DOCK3: variants seen among roughly 807,000 people sequenced by gnomAD.
DOCK3 encodes the protein dedicator of cytokinesis 3.
DOCK3 carries 60 observed loss-of-function variants against 265.6 expected under a neutral mutation model. That is an observed-to-expected ratio of 0.23 (90% CI 0.18 to 0.28). DOCK3 has a LOEUF of 0.28. DOCK3 is among the 10% of genes least tolerant of loss of function. DOCK3 has a pLI of 1.00. For synonymous variants in DOCK3, 881 were observed against 938.0 expected (o/e 0.94, Z 1.11); for missense variants, 1,981 against 2,594.3 (o/e 0.76, Z 5.14).
chr3:50,718,812 T>A (rs2037291434), intron 1 of DOCK3, among the ~76,000 whole-genome samples: 1 of 137,966 alleles, frequency 7.2e-6, no homozygotes, highest in Non-Finnish European at 1.5e-5. Context: ...TAAGACAGAA[T>A]CTTGCTCTGT....
intron 6 of DOCK3, among the ~76,000 whole-genome samples, chr3:51,065,393 C>T (rs1428843136): frequency 6.6e-6 from 1 of 152,090 alleles, no homozygotes; most frequent in Non-Finnish European, 1.5e-5. Context: ...ATCTATGAGC[C>T]CATTTCTGGA....
intron 10 of DOCK3, among the ~76,000 whole-genome samples, chr3:51,158,671 T>C (rs953804759): frequency 4.6e-5 from 7 of 152,268 alleles, no homozygotes; most frequent in Admixed American, 1.3e-4. Flanking sequence ...AATAAGATTA[T>C]TTTCAACTAT....
intron 9 of DOCK3, among the ~76,000 whole-genome samples, chr3:51,136,928 G>T (rs182020590): frequency 2.1e-4 from 32 of 151,976 alleles, no homozygotes; most frequent in African/African-American, 7.0e-4. Flanking sequence ...GGTGAACAGA[G>T]TAAGGTTCTG....
chr3:50,859,743 G>T (rs957169769), intron 3 of DOCK3, among the ~76,000 whole-genome samples: 2 of 152,138 alleles, frequency 1.3e-5, no homozygotes, highest in African/African-American at 2.4e-5. Flanking sequence ...TATTTTTGGT[G>T]TTGAAGTTTT....
At chr3:51,313,396 T>C (rs527877530) in intron 31 of DOCK3, among the ~76,000 whole-genome samples, 3 of 152,338 alleles carry the variant, frequency 2.0e-5, no homozygotes, top group South Asian at 4.1e-4. Context: ...GAGTAACATA[T>C]AAGAAGAGAA....
chr3:50,969,493 C>G (rs746544659), intron 5 of DOCK3, among the ~76,000 whole-genome samples: 1 of 152,136 alleles, frequency 6.6e-6, no homozygotes, highest in Non-Finnish European at 1.5e-5. Context: ...AATATTGATA[C>G]ATGAGGTTTT....
At chr3:50,945,904 T>C (rs2076413249) in intron 5 of DOCK3, among the ~76,000 whole-genome samples, 1 of 151,994 alleles carries the variant, frequency 6.6e-6, no homozygotes, top group South Asian at 2.1e-4. Context: ...GGGACCCACA[T>C]TCCAGGGTTG....
intron 4 of DOCK3, among the ~76,000 whole-genome samples, chr3:50,894,237 A>G (rs557670419): frequency 1.1e-3 from 161 of 152,236 alleles, no homozygotes; most frequent in Middle Eastern, 0.01. Context: ...CTTGTCTTAT[A>G]TAAGAGAGCC....
intron 5 of DOCK3, among the ~76,000 whole-genome samples, chr3:50,977,790 G>A (rs1448332864): frequency 1.3e-5 from 2 of 151,900 alleles, no homozygotes; most frequent in Admixed American, 1.3e-4. Flanking sequence ...CCAATCAGAC[G>A]TAGATTTGGT....
At position 51,269,919 on chromosome 3, in the gene DOCK3, G is replaced by A. The variant is rs924056822; in HGVS notation, c.2356-896G>A. 3.3e-5 allele frequency among the ~76,000 whole-genome samples: 5 copies of A among 152,190 alleles called. No homozygotes were observed. The East Asian group carries it at 9.6e-4, about 29-fold the overall frequency. On this transcript the variant is annotated intron_variant, in intron 23 of 52. Transcript: ENST00000266037. ...AGATGGGGAAACAGAGAATTAGGCA[G>A]TAACTTGCCAAAGTTTGTGTGTCAG... is the stretch of plus-strand genomic sequence containing the variant.
intron 1 of DOCK3, among the ~76,000 whole-genome samples, chr3:50,714,895 A>G (rs1364601532): frequency 6.6e-6 from 1 of 151,962 alleles, no homozygotes; most frequent in Non-Finnish European, 1.5e-5. Flanking sequence ...CCTTACTCCT[A>G]TTCATTCTTT....
intron 4 of DOCK3, among the ~76,000 whole-genome samples, chr3:50,897,544 A>C (rs1553694285): frequency 6.6e-6 from 1 of 152,204 alleles, no homozygotes; most frequent in Non-Finnish European, 1.5e-5. Context: ...GAGAGAGGGC[A>C]TCCTTGTCTT....
intron 1 of DOCK3, among the ~76,000 whole-genome samples, chr3:50,749,422 A>G (rs1343914094): frequency 1.3e-5 from 2 of 152,212 alleles, no homozygotes; most frequent in Non-Finnish European, 2.9e-5. Context: ...AAGAAGTAAA[A>G]GAAGTGAATG....
At chr3:51,136,184 C>T (rs2084785721) in intron 9 of DOCK3, among the ~76,000 whole-genome samples, 1 of 152,026 alleles carries the variant, frequency 6.6e-6, no homozygotes, top group Non-Finnish European at 1.5e-5. Context: ...CCAGTACCTC[C>T]TTCAGGCAGC....
intron 5 of DOCK3, among the ~76,000 whole-genome samples, chr3:50,976,396 A>C (rs1320178761): frequency 7.7e-6 from 1 of 130,644 alleles, no homozygotes; most frequent in Non-Finnish European, 1.6e-5. Context: ...TCATTTCGTT[A>C]TGTACCCAGT....
At position 50,873,027 on chromosome 3, in the gene DOCK3, C is replaced by T. The variant is rs4330248; in HGVS notation, c.163-16999C>T. Among the ~76,000 whole-genome samples the T allele has an allele frequency of 3.2e-3, 490 of 152,304 alleles. 7 individuals carry two copies. The highest frequency in any genetic ancestry group is 0.011 in the African/African-American group (447 of 41,574). ...CCAAGAGCCTGCTTTGTTCTGTACC[C>T]ACCCATGACCACGCTGGTTCCTAAG... On this transcript the variant is annotated intron_variant, in intron 3 of 52. Coordinates refer to ENST00000266037, the MANE Select transcript of DOCK3 (RefSeq NM_004947.5).
At chr3:50,753,978 A>T (rs576559462) in intron 1 of DOCK3, among the ~76,000 whole-genome samples, 2 of 152,026 alleles carry the variant, frequency 1.3e-5, no homozygotes, top group Non-Finnish European at 2.9e-5. Flanking sequence ...CAACATAGTG[A>T]AACCCCGTCT....
At chr3:51,147,386 C>T (rs540163289) in intron 10 of DOCK3, among the ~76,000 whole-genome samples, 110 of 152,260 alleles carry the variant, frequency 7.2e-4, no homozygotes, top group African/African-American at 2.6e-3. Flanking sequence ...TACATGTACA[C>T]AACATGCAGG....
chr3:50,707,323 G>A (rs2036473551), intron 1 of DOCK3, among the ~76,000 whole-genome samples: 1 of 151,938 alleles, frequency 6.6e-6, no homozygotes. Flanking sequence ...TGTAATATGA[G>A]CTACCTGGGA....
Sources: allele counts gnomAD v4.1 joint callset (sites outside exome capture counted in the v4.1 genomes callset), GRCh38; gene constraint gnomAD v4.1.1; transcripts MANE v1.5; gene names NCBI Gene and HGNC (gene_info 2026-07-23, HGNC 2026-07-21).